The following YIF1B variants were observed in gnomAD, a reference collection of about 807,000 sequenced individuals.
YIF1B encodes the protein protein YIF1B.
In YIF1B, 24 loss-of-function variants were observed where a neutral mutation model predicts 34.6. That is an observed-to-expected ratio of 0.69 (90% confidence interval 0.50 to 0.98). YIF1B has a LOEUF of 0.98. Ranked by LOEUF, YIF1B falls within the 50% of genes least tolerant of loss-of-function variation. YIF1B has a pLI of 0.00. For synonymous variants in YIF1B, 186 were observed against 184.8 expected (o/e 1.01, Z -0.05); for missense variants, 368 against 429.4 (o/e 0.86, Z 1.26).
chr19:38,320,239 C>A (rs1323013453), upstream of YIF1B: 5 of 1,606,042 alleles, frequency 3.1e-6, no homozygotes. Flanking sequence ...CGCCTCTGCT[C>A]TCTTCTTCGC....
At chr19:38,320,266 A>G (rs763157827), upstream of YIF1B, 16 of 1,605,546 alleles carry the variant, frequency 1.0e-5, no homozygotes, top group East Asian at 9.0e-5. Flanking sequence ...GCTGATCACC[A>G]CCGTGGGTAC....
chr19:38,306,683 T>A (rs1485807930), intron 7 of YIF1B: 1 of 244,158 alleles, frequency 4.1e-6, no homozygotes, highest in African/African-American at 2.4e-5. Context: ...GTTTATTTTT[T>A]ATTTTTATTT....
chr19:38,319,870 T>G, upstream of YIF1B: 1 of 1,287,256 alleles, frequency 7.8e-7, no homozygotes, highest in Non-Finnish European at 1.0e-6. Flanking sequence ...CTCCCGGAAC[T>G]GGAACTAGGT....
At position 38,307,527 on chromosome 19, in the gene YIF1B, GGA is replaced by G; in HGVS notation, c.696-8_696-7del. On this transcript the variant is annotated splice_polypyrimidine_tract_variant and splice_region_variant and intron_variant, in intron 6 of 7. Transcript: ENST00000339413. ...TGAGGACCCCGCCAATCATCCTGGG[GGA>G]GGGAGAGGAGGCTGTGTGAGGACAA... 6.2e-7 allele frequency: 1 copy of G among 1,613,926 alleles called. No individual in the cohort carries two copies. Among genetic ancestry groups the G allele is most frequent in the African/African-American group, 1.3e-5 (1 of 75,022 alleles).
upstream of YIF1B, among the ~76,000 whole-genome samples, chr19:38,321,808 G>C (rs1351603524): frequency 6.6e-6 from 1 of 152,212 alleles, no homozygotes; most frequent in Non-Finnish European, 1.5e-5. Flanking sequence ...GCTTCCCTGG[G>C]TCATGTGCAC....
At chr19:38,318,945 A>G (rs1164358056), upstream of YIF1B, among the ~76,000 whole-genome samples, 1 of 152,036 alleles carries the variant, frequency 6.6e-6, no homozygotes, top group East Asian at 1.9e-4. Flanking sequence ...GCTTGTTTCC[A>G]TTCATCCTTC....
intron 1 of YIF1B, chr19:38,315,453 A>G: frequency 1.5e-6 from 2 of 1,336,748 alleles, no homozygotes; most frequent in Non-Finnish European, 1.9e-6. Flanking sequence ...AAAGGGGGCC[A>G]ACAGCACAAT....
chr19:38,318,601 C>A (rs548100638), upstream of YIF1B, among the ~76,000 whole-genome samples: 1 of 152,338 alleles, frequency 6.6e-6, no homozygotes, highest in Non-Finnish European at 1.5e-5. Context: ...CAGGTGTCCA[C>A]AGGGCCTGGC....
In YIF1B at chr19:38,311,341, G is replaced by A. The variant is rs571039591; in HGVS notation, c.59-1698C>T. ...AATAAATGACCACTCCCAATTTACA[G>A]GTGTGGAAACCAAGGCCCAGACAGC... On this transcript the variant is annotated intron_variant, in intron 1 of 7. Transcript: ENST00000339413. 2.9e-4 allele frequency among the ~76,000 whole-genome samples: 44 copies of A among 152,050 alleles called. No individual in the cohort carries two copies. The South Asian group carries it at 9.0e-3, about 31-fold the overall frequency.
chr19:38,312,358 A>T (rs1969359437), intron 1 of YIF1B, among the ~76,000 whole-genome samples: 1 of 148,612 alleles, frequency 6.7e-6, no homozygotes, highest in Admixed American at 6.7e-5. Context: ...TCAAGGCTGC[A>T]GTGCCAAGAT....
chr19:38,308,030 G>T (rs947271634), intron 5 of YIF1B, among the ~76,000 whole-genome samples: 1 of 152,188 alleles, frequency 6.6e-6, no homozygotes, highest in Non-Finnish European at 1.5e-5. Context: ...AGGGGACACC[G>T]AGCTGAAGCC....
upstream of YIF1B, among the ~76,000 whole-genome samples, chr19:38,320,756 A>G (rs1969642600): frequency 2.6e-5 from 4 of 151,894 alleles, no homozygotes; most frequent in South Asian, 4.2e-4. Context: ...ACGGAGTTTC[A>G]CCATGTTGGC....
At chr19:38,316,951 G>A (rs1969571999), upstream of YIF1B, among the ~76,000 whole-genome samples, 1 of 152,162 alleles carries the variant, frequency 6.6e-6, no homozygotes, top group African/African-American at 2.4e-5. Context: ...ATGAGCCACA[G>A]TGCCCGGCCT....
chr19:38,307,414 CG>C lies in YIF1B; in HGVS notation c.789+13del. 6.2e-7 allele frequency: 1 copy of C among 1,613,198 alleles called. No homozygotes were observed. The highest frequency in any genetic ancestry group is 1.3e-5 in the African/African-American group (1 of 74,948). ...ACCTGTGCCTCAGCCTCACCAGCCC[CG>C]AGCCCAGCTCACCATGAACACAAAG... On this transcript the variant is annotated intron_variant, in intron 7 of 7. Coordinates refer to ENST00000339413, the MANE Select transcript of YIF1B (RefSeq NM_001039672.3).
In YIF1B at chr19:38,307,585, G is replaced by A. The variant is rs751285772; in HGVS notation, c.695+12C>T. 23 of 1,613,578 alleles carry A rather than the reference G, an allele frequency of 1.4e-5. No individual in the cohort carries two copies. The highest frequency in any genetic ancestry group is 1.6e-4 in the Middle Eastern group (1 of 6,082). The stretch of plus-strand genomic sequence containing the variant: ...AAGGGCTGGGGCTGGCGTGAAGGGC[G>A]GGGGTACTCACCCGACATATTTGTA... On this transcript the variant is annotated intron_variant, in intron 6 of 7. Transcript: ENST00000339413.
At chr19:38,308,273 C>T (rs1969150637) in intron 5 of YIF1B, among the ~76,000 whole-genome samples, 2 of 152,154 alleles carry the variant, frequency 1.3e-5, no homozygotes, top group African/African-American at 2.4e-5. Context: ...GAGGGGAACA[C>T]GCTCCTGGGC....
At chr19:38,307,831 G>C in intron 5 of YIF1B, 79 bp from the exon 6 acceptor site, 1 of 1,557,290 alleles carries the variant, frequency 6.4e-7, no homozygotes, top group South Asian at 1.2e-5. Flanking sequence ...ACAGCTCTGT[G>C]TTGGGTAGGG....
At chr19:38,315,997 A>G, upstream of YIF1B, 1 of 1,362,924 alleles carries the variant, frequency 7.3e-7, no homozygotes, top group Non-Finnish European at 9.4e-7. Context: ...GCGAAGAGAC[A>G]GCCAATGGAC....
rs746439270 is a variant in YIF1B at position 38,304,944 on chromosome 19, A to AAGG, written c.*407_*408insCCT. 24 of 1,600,626 alleles carry AAGG rather than the reference A, an allele frequency of 1.5e-5. No individual in the cohort carries two copies. The Admixed American group carries it at 1.9e-4, about 12-fold the overall frequency. On this transcript the variant is annotated 3_prime_UTR_variant, in exon 8 of 8. Transcript: ENST00000339413. Reference sequence around the variant, plus strand: ...GAAGGGCAAGAAGGAGAAGGGCAAGAAGAAGGAGGCTCCCCACTGAAGGGC... The same window carrying AAGG: ...GAAGGGCAAGAAGGAGAAGGGCAAGAAGGAGAAGGAGGCTCCCCACTGAAGGGC...
Sources: gnomAD v4.1 joint callset for allele counts (sites outside exome capture counted in the v4.1 genomes callset) on GRCh38, gnomAD v4.1.1 for gene constraint, MANE v1.5 for transcripts, NCBI Gene and HGNC (gene_info 2026-07-23, HGNC 2026-07-21) for gene names.